ASH1L: variants seen among roughly 807,000 people sequenced by gnomAD.
The protein encoded by ASH1L is histone-lysine N-methyltransferase ASH1L.
ASH1L carries 23 observed loss-of-function variants against 269.0 expected under a neutral mutation model. The ratio of observed to expected loss-of-function variants is 0.09; its 90% CI spans 0.06 to 0.12. ASH1L has a LOEUF of 0.12. Among genes scored for constraint, ASH1L ranks in the 10% least tolerant of loss-of-function variants. ASH1L has a pLI of 1.00. For missense variants in ASH1L, 2,912 were observed against 3,567.8 expected (o/e 0.82, Z 4.68); for synonymous variants, 1,187 against 1,253.5 (o/e 0.95, Z 1.12).
At chr1:155,542,481 G>A (rs2148891313) in intron 1 of ASH1L, among the ~76,000 whole-genome samples, 1 of 151,770 alleles carries the variant, frequency 6.6e-6, no homozygotes, top group Non-Finnish European at 1.5e-5. Context: ...CCTGAGAGGT[G>A]GAGCTTGCAG....
chr1:155,447,115 T>C (rs1663097724), intron 4 of ASH1L, among the ~76,000 whole-genome samples: 1 of 152,216 alleles, frequency 6.6e-6, no homozygotes, highest in African/African-American at 2.4e-5. Flanking sequence ...TGGACATCTA[T>C]ACCTTTTCCC....
intron 5 of ASH1L, among the ~76,000 whole-genome samples, chr1:155,418,408 A>G (rs987468834): frequency 1.3e-5 from 2 of 152,110 alleles, no homozygotes; most frequent in African/African-American, 4.8e-5. Flanking sequence ...GGCACTGGAG[A>G]TCAGTGAACT....
At chr1:155,502,915 G>C (rs1041092244) in intron 2 of ASH1L, among the ~76,000 whole-genome samples, 1 of 152,156 alleles carries the variant, frequency 6.6e-6, no homozygotes, top group African/African-American at 2.4e-5. Context: ...AGTATGCTTA[G>C]GAGAATTTCC....
At chr1:155,529,393 G>A (rs1282745714) in intron 1 of ASH1L, among the ~76,000 whole-genome samples, 1 of 145,688 alleles carries the variant, frequency 6.9e-6, no homozygotes, top group Admixed American at 6.9e-5. Flanking sequence ...CATTCTGAAT[G>A]ATGTGAGATG....
chr1:155,351,244 CAAA>C (rs1216704261), intron 17 of ASH1L, among the ~76,000 whole-genome samples: 2 of 96,296 alleles, frequency 2.1e-5, no homozygotes, highest in African/African-American at 3.8e-5. Context: ...GACTCTGTCT[CAAA>C]AAAAAAAAAA....
At chr1:155,501,670 A>G (rs149763935) in intron 2 of ASH1L, among the ~76,000 whole-genome samples, 1 of 152,092 alleles carries the variant, frequency 6.6e-6, no homozygotes, top group East Asian at 1.9e-4. Flanking sequence ...TGTTTTATTC[A>G]TTCATTTTTT....
chr1:155,415,572 A>T (rs1293240689), intron 6 of ASH1L, among the ~76,000 whole-genome samples, 172 bp downstream of exon 6: 1 of 152,170 alleles, frequency 6.6e-6, no homozygotes, highest in Non-Finnish European at 1.5e-5. Flanking sequence ...AGAAAGGGTA[A>T]TGTATTGACC....
chr1:155,504,013 A>G (rs1156776798), intron 2 of ASH1L, among the ~76,000 whole-genome samples: 1 of 152,146 alleles, frequency 6.6e-6, no homozygotes, highest in Non-Finnish European at 1.5e-5. Flanking sequence ...GGGAGCCACC[A>G]TGTCCAGCCC....
chr1:155,344,139 G>C, intron 22 of ASH1L, 44 bp downstream of exon 22: 11 of 1,551,552 alleles, frequency 7.1e-6, no homozygotes, highest in Non-Finnish European at 9.8e-6. Flanking sequence ...CTACTATTCA[G>C]AAAGGTCACC....
intron 21 of ASH1L, chr1:155,345,993 G>A (rs978177812): frequency 1.3e-5 from 5 of 389,100 alleles, no homozygotes; most frequent in African/African-American, 4.2e-5. Context: ...CTCCATGCCC[G>A]GCTAATTTTT....
Position 155,478,128 on chromosome 1 carries a change from T to C in ASH1L, c.4742A>G (p.Glu1581Gly), listed in dbSNP as rs899944183. The change falls in exon 3 of 28, where the codon GAA (glutamate) becomes GGA (glycine). Residue 1581 changes from glutamate (E) to glycine (G), a missense_variant. Physicochemically the swap from Glu to Gly is moderately conservative, Grantham distance 98. This residue lies in a region of ASH1L where 789 missense variants were observed against 897.6 expected (regional missense o/e 0.88). Transcript: ENST00000392403. The surrounding 1 kb of genome is among the most constrained non-coding windows in gnomAD (Gnocchi z 4.6). ...LQTPLQIDCS[E>G]SSPSLSLGGF... ...TCCAAGGGATAAGCTTGGAGAACTT[T>C]CTGAACAGTCAATCTGTAAAGGTGT... is the stretch of plus-strand genomic sequence containing the variant. 3 of 1,614,104 alleles carry C rather than the reference T, an allele frequency of 1.9e-6. No homozygotes were observed. The highest frequency in any genetic ancestry group is 3.3e-5 in the Admixed American group (2 of 60,018).
intron 2 of ASH1L, among the ~76,000 whole-genome samples, chr1:155,507,235 G>A (rs1474671974): frequency 1.3e-5 from 2 of 149,876 alleles, no homozygotes; most frequent in African/African-American, 2.5e-5. Context: ...TGCCGAGATC[G>A]CGCCATGGCA....
At chr1:155,483,061 G>A (rs1032903765) in intron 2 of ASH1L, among the ~76,000 whole-genome samples, 2 of 152,098 alleles carry the variant, frequency 1.3e-5, no homozygotes, top group Non-Finnish European at 2.9e-5. Flanking sequence ...ATCTTAGAAT[G>A]GGAAGTAACA....
chr1:155,543,367 C>T (rs757327912), intron 1 of ASH1L, among the ~76,000 whole-genome samples: 1 of 151,458 alleles, frequency 6.6e-6, no homozygotes, highest in Non-Finnish European at 1.5e-5. Context: ...AAAAATCAGC[C>T]AGGCATGGTG....
intron 8 of ASH1L, among the ~76,000 whole-genome samples, chr1:155,379,261 CTTCA>C (rs138330562): frequency 0.01 from 1,568 of 152,190 alleles, 29 homozygotes; most frequent in African/African-American, 0.036. Flanking sequence ...GCATTCTCTC[CTTCA>C]TTGTTAAAAA....
chr1:155,419,159 G>A (rs1277628309), intron 5 of ASH1L, among the ~76,000 whole-genome samples: 1 of 152,122 alleles, frequency 6.6e-6, no homozygotes, highest in African/African-American at 2.4e-5. Flanking sequence ...CCAGCACTTT[G>A]TGTGGCTGAC....
At position 155,438,844 on chromosome 1, in the gene ASH1L, T is replaced by A; in HGVS notation, c.5311A>T (p.Thr1771Ser). Residue 1771 changes from threonine (T) to serine (S), a missense_variant, in exon 5 of 28, where the codon ACA (threonine) becomes TCA (serine). By Grantham distance (58) the Thr-to-Ser change is moderately conservative (BLOSUM62 1). Around this residue, in one of 13 missense-constraint regions of ASH1L, gnomAD observed 789 missense variants for 897.6 expected, o/e 0.88. Coordinates refer to ENST00000392403, the MANE Select transcript of ASH1L (RefSeq NM_018489.3). ...KPDSLLVPAV[T>S]SDSCNNSISL... ...ATGCTATTATTGCAAGAGTCACTTG[T>A]GACTGCAGGCACTAAAAGGCTGTCT... The A allele has an allele frequency of 6.2e-7, 1 of 1,614,120 alleles. No homozygotes were observed. The highest frequency in any genetic ancestry group is 1.1e-5 in the South Asian group (1 of 91,078).
chr1:155,381,896 G>GAAAAC (rs1173965156), intron 7 of ASH1L, among the ~76,000 whole-genome samples: 1 of 151,362 alleles, frequency 6.6e-6, no homozygotes, highest in South Asian at 2.1e-4. Flanking sequence ...AAAAAAAAAG[G>GAAAAC]AAAACAAAAC....
rs192497788 is a variant in ASH1L, at chr1:155,435,232, A to G, written c.5828+3095T>C. Reference sequence around the variant, plus strand: ...AAATAAGTTGGGAATGGCTAAACTAATCAATAGTACTGAAAGAAAATTAAA... The same window carrying G: ...AAATAAGTTGGGAATGGCTAAACTAGTCAATAGTACTGAAAGAAAATTAAA... On this transcript the variant is annotated intron_variant, in intron 5 of 27. Coordinates refer to ENST00000392403, the MANE Select transcript of ASH1L (RefSeq NM_018489.3). 7.2e-4 allele frequency among the ~76,000 whole-genome samples: 110 copies of G among 152,344 alleles called. 1 individual carries two copies. Among genetic ancestry groups the G allele is most frequent in the Non-Finnish European group, 1.9e-4 (13 of 68,028 alleles).
Sources: gnomAD v4.1 joint callset for allele counts (sites outside exome capture counted in the v4.1 genomes callset) on GRCh38, gnomAD v4.1.1 for gene constraint, gnomAD v4.1.1 regional missense constraint, Gnocchi (gnomAD v3.1) non-coding constraint, MANE v1.5 for transcripts, NCBI Gene and HGNC (gene_info 2026-07-23, HGNC 2026-07-21) for gene names.